The following RPS6KC1 variants were observed in gnomAD, a reference collection of about 807,000 sequenced individuals.
RPS6KC1 encodes the protein inactive ribosomal protein S6 kinase delta-1.
A neutral mutation model predicts 103.8 loss-of-function variants in RPS6KC1; 54 were observed. That is an observed-to-expected ratio of 0.52 (90% CI 0.42 to 0.65). The LOEUF (loss-of-function observed/expected upper bound fraction) is 0.65, where lower values mean the gene tolerates loss of function less well. Ranked by LOEUF, RPS6KC1 falls within the 30% of genes least tolerant of loss-of-function variation. The probability of loss-of-function intolerance (pLI) is 0.00; values close to 1 mark genes in which losing one functional copy is unlikely to be tolerated. For synonymous variants in RPS6KC1, 439 were observed against 438.7 expected (o/e 1.00, Z -0.01); for missense variants, 1,151 against 1,253.8 (o/e 0.92, Z 1.24).
chr1:213,500,544 C>A, the RPS6KC1 span, among the ~76,000 whole-genome samples: 1 of 152,082 alleles, frequency 6.6e-6, no homozygotes, highest in Admixed American at 6.5e-5. Flanking sequence ...GCATTAGGTA[C>A]CACACATAAT....
chr1:213,323,202 G>A, the RPS6KC1 span, among the ~76,000 whole-genome samples: 1 of 151,980 alleles, frequency 6.6e-6, no homozygotes, highest in African/African-American at 2.4e-5. Flanking sequence ...GATTATACTA[G>A]ACCCACCCCA....
chr1:213,645,235 C>T, the RPS6KC1 span, among the ~76,000 whole-genome samples: 31 of 152,026 alleles, frequency 2.0e-4, no homozygotes, highest in African/African-American at 7.2e-4. Context: ...CCAAAAAGAA[C>T]GTTTTTGGGT....
At chr1:213,150,181 A>AT (rs201992931) in intron 6 of RPS6KC1, among the ~76,000 whole-genome samples, 1,629 of 148,162 alleles carry the variant, frequency 0.011, 21 homozygotes, top group African/African-American at 0.036. Flanking sequence ...CCATTTTGTT[A>AT]TTTTTTTTCT....
the RPS6KC1 span, among the ~76,000 whole-genome samples, chr1:213,653,268 G>A: frequency 6.6e-6 from 1 of 152,096 alleles, no homozygotes; most frequent in Non-Finnish European, 1.5e-5. Flanking sequence ...GACCAGCCTG[G>A]GCAACATGGC....
intron 6 of RPS6KC1, among the ~76,000 whole-genome samples, chr1:213,140,197 T>G (rs1350339796): frequency 6.6e-6 from 1 of 152,156 alleles, no homozygotes; most frequent in Non-Finnish European, 1.5e-5. Flanking sequence ...GATTTTTGTA[T>G]TCTGAAACTT....
At chr1:213,645,029 T>C in the RPS6KC1 span, among the ~76,000 whole-genome samples, 1 of 152,066 alleles carries the variant, frequency 6.6e-6, no homozygotes, top group Non-Finnish European at 1.5e-5. Context: ...CCAACGAAGG[T>C]AAGAAAAAGT....
At chr1:213,666,042 A>C in the RPS6KC1 span, among the ~76,000 whole-genome samples, 1 of 152,238 alleles carries the variant, frequency 6.6e-6, no homozygotes, top group Non-Finnish European at 1.5e-5. Context: ...ATTTTATAAC[A>C]TAGGAATGTT....
At chr1:213,635,998 TG>T in the RPS6KC1 span, among the ~76,000 whole-genome samples, 1 of 152,200 alleles carries the variant, frequency 6.6e-6, no homozygotes, top group African/African-American at 2.4e-5. Context: ...AGCCAAATCA[TG>T]AGTGAACTTC....
At chr1:213,205,653 T>G (rs1306329985) in intron 8 of RPS6KC1, among the ~76,000 whole-genome samples, 1 of 149,234 alleles carries the variant, frequency 6.7e-6, no homozygotes, top group Non-Finnish European at 1.5e-5. Context: ...TCTTAAGGAC[T>G]TCATCTAATA....
At chr1:213,448,993 C>T in the RPS6KC1 span, among the ~76,000 whole-genome samples, 5 of 152,234 alleles carry the variant, frequency 3.3e-5, no homozygotes, top group African/African-American at 9.6e-5. Context: ...TGGATGATAT[C>T]GGAAGCAGTT....
intron 6 of RPS6KC1, among the ~76,000 whole-genome samples, chr1:213,166,399 GT>G (rs1166536776): frequency 1.3e-5 from 2 of 152,152 alleles, no homozygotes; most frequent in African/African-American, 4.8e-5. Flanking sequence ...TATGTGGCAT[GT>G]TTTATCTTCA....
the RPS6KC1 span, among the ~76,000 whole-genome samples, chr1:213,670,556 A>G: frequency 6.6e-6 from 1 of 152,230 alleles, no homozygotes; most frequent in Admixed American, 6.5e-5. Context: ...TCAGGAACAG[A>G]CAGCAAAGAT....
At chr1:213,676,624 T>C in the RPS6KC1 span, among the ~76,000 whole-genome samples, 1 of 152,204 alleles carries the variant, frequency 6.6e-6, no homozygotes, top group Non-Finnish European at 1.5e-5. Flanking sequence ...TTGCACCAAG[T>C]TACCTCTTCA....
chr1:213,364,123 G>T, the RPS6KC1 span, among the ~76,000 whole-genome samples: 1 of 152,098 alleles, frequency 6.6e-6, no homozygotes, highest in East Asian at 1.9e-4. Context: ...CTGTGGTGTA[G>T]CACAAAAGTA....
At chr1:213,419,253 G>T in the RPS6KC1 span, among the ~76,000 whole-genome samples, 3 of 152,148 alleles carry the variant, frequency 2.0e-5, no homozygotes, top group African/African-American at 7.2e-5. Flanking sequence ...GCAGCAAAAG[G>T]TCCCATCCAA....
chr1:213,120,905 A>G (rs1320495129), intron 5 of RPS6KC1, among the ~76,000 whole-genome samples: 2 of 152,094 alleles, frequency 1.3e-5, no homozygotes, highest in Non-Finnish European at 2.9e-5. Context: ...AACAGATCCT[A>G]ATATACTTTG....
the RPS6KC1 span, among the ~76,000 whole-genome samples, chr1:213,703,804 C>T: frequency 6.6e-6 from 1 of 152,014 alleles, no homozygotes; most frequent in East Asian, 1.9e-4. Flanking sequence ...TTTGAGATGG[C>T]CTTCTTTGGG....
At chr1:213,330,728 C>T in the RPS6KC1 span, among the ~76,000 whole-genome samples, 38 of 152,194 alleles carry the variant, frequency 2.5e-4, no homozygotes, top group Non-Finnish European at 4.6e-4. Flanking sequence ...TCCACAAACT[C>T]GTGGGAACAG....
chr1:213,306,380 G>GA, the RPS6KC1 span, among the ~76,000 whole-genome samples: 1 of 152,004 alleles, frequency 6.6e-6, no homozygotes, highest in Admixed American at 6.6e-5. Context: ...AGTAATTAGA[G>GA]AAAAAAATCA....
Sources: allele counts gnomAD v4.1 joint callset (sites outside exome capture counted in the v4.1 genomes callset), GRCh38; gene constraint gnomAD v4.1.1; transcripts MANE v1.5; gene names NCBI Gene and HGNC (gene_info 2026-07-23, HGNC 2026-07-21).